Variants in TTN observed in about 807,000 individuals in gnomAD.
The protein encoded by TTN is titin, also known as connectin.
TTN carries 1,525 observed loss-of-function variants against 3,223.0 expected under a neutral mutation model. The ratio of observed to expected loss-of-function variants is 0.47; its 90% CI spans 0.45 to 0.49. TTN has a LOEUF of 0.49. Ranked by LOEUF, TTN falls within the 20% of genes least tolerant of loss-of-function variation. TTN has a pLI of 0.00. For missense variants in TTN, 40,786 were observed against 43,424.0 expected, an observed-to-expected ratio of 0.94 and a Z score of 5.40; for synonymous variants, 14,094 against 15,161.0, an observed-to-expected ratio of 0.93 and a Z score of 5.17.
rs141399146 is a variant in TTN, at chr2:178,598,825, C to T, written c.56885G>A (p.Arg18962Gln). 34 of 1,613,324 alleles carry T rather than the reference C, an allele frequency of 2.1e-5. No homozygotes were observed. Among genetic ancestry groups the T allele is most frequent in the African/African-American group, 6.7e-5 (5 of 74,986 alleles). ...GLIEGSDYQF[R>Q]VYAINAAGVG... is the part of the protein sequence containing the mutation. ...GCCAGCAGCATTGATTGCATATACC[C>T]GGAATTGATAGTCGGAACCTTCAAT... is the stretch of plus-strand genomic sequence containing the variant. The change falls in exon 291 of 363, where the codon CGG becomes CAG. Residue 18962 changes from arginine to glutamine, a missense_variant. Arg to Gln is a conservative substitution (Grantham distance 43, BLOSUM62 1). Transcript: ENST00000589042.
chr2:178,675,911 A>G lies in TTN; in HGVS notation c.34453+10T>C. On this transcript the variant is annotated intron_variant, in intron 148 of 362. Transcript: ENST00000589042. Reference sequence around the variant, plus strand: ...ATGGCATAGTCTAATTTACTTCGGAATAGCAATACCTTTGGCAGGGGGAGC... The same window carrying G: ...ATGGCATAGTCTAATTTACTTCGGAGTAGCAATACCTTTGGCAGGGGGAGC... 6.2e-7 allele frequency: 1 copy of G among 1,605,320 alleles called. No homozygotes were observed. Among genetic ancestry groups the G allele is most frequent in the Non-Finnish European group, 8.5e-7 (1 of 1,175,234 alleles).
intron 22 of TTN, 32 bp from the exon 23 acceptor site, chr2:178,779,494 A>T: frequency 7.9e-7 from 1 of 1,264,128 alleles, no homozygotes; most frequent in South Asian, 1.3e-5. Context: ...TGTTAAAAAT[A>T]CATATCCTTA....
At position 178,574,300 on chromosome 2, in the gene TTN, T is replaced by G. The variant is rs1449315408; in HGVS notation, c.71832A>C (p.Lys23944Asn). The G allele has an allele frequency of 3.1e-6, 5 of 1,613,520 alleles. No homozygotes were observed. Among genetic ancestry groups the G allele is most frequent in the East Asian group, 2.2e-5 (1 of 44,746 alleles). Residue 23944 changes from lysine (K) to asparagine (N), a missense_variant, in exon 326 of 363, where the codon AAA becomes AAC. Coordinates refer to ENST00000589042, the MANE Select transcript of TTN (RefSeq NM_001267550.2). ...CCCCAGTATATTCAGGCTTAGCCCA[T>G]TTAAGTGTTACTGTGTGTCTTGTAA... is the stretch of plus-strand genomic sequence containing the variant. ...LNITRHTVTL[K>N]WAKPEYTGGF...
intron 218 of TTN, 120 bp from the exon 219 acceptor site, chr2:178,642,437 A>G: frequency 1.3e-6 from 1 of 755,480 alleles, no homozygotes; most frequent in Non-Finnish European, 2.2e-6. Context: ...TTTTCGCTGC[A>G]TATAAATACC....
chr2:178,580,103 T>A lies in TTN; in HGVS notation c.67184A>T (p.Asp22395Val). 6.2e-7 allele frequency: 1 copy of A among 1,613,406 alleles called. No homozygotes were observed. Residue 22395 changes from aspartate (D) to valine (V), a missense_variant, in exon 318 of 363, where the codon GAT becomes GTT. Transcript: ENST00000589042. ...PIINYVVQKRDAERKSWSTVT... is the reference protein window; with the variant it reads ...PIINYVVQKRVAERKSWSTVT... ...TGTAGACCAGGATTTCCTCTCTGCA[T>A]CACGTTTTTGTACCACATAGTTTAT...
Position 178,584,806 on chromosome 2 carries a change from G to C in TTN, c.64835C>G (p.Ala21612Gly), listed in dbSNP as rs535324559. ...CCTGCAGGAAGTTTTTGTGACTGAA[G>C]CTAGAGCCGTGACCCAGTCACCTCG... The part of the protein sequence containing the change: ...VSRGDWVTAL[A>G]SVTKTSCRVG... Residue 21612 changes from alanine (A) to glycine (G), a missense_variant, in exon 310 of 363, where the codon GCT becomes GGT. Ala to Gly is a moderately conservative substitution (Grantham distance 60, BLOSUM62 0). Transcript: ENST00000589042. The C allele has an allele frequency of 6.2e-7, 1 of 1,613,394 alleles. No homozygotes were observed. Among genetic ancestry groups the C allele is most frequent in the East Asian group, 2.2e-5 (1 of 44,808 alleles).
At position 178,574,102 on chromosome 2, in the gene TTN, T is replaced by C; in HGVS notation, c.72030A>G (p.Pro24010=). 1 of 1,613,598 alleles carries C rather than the reference T, an allele frequency of 6.2e-7. No individual in the cohort carries two copies. Among genetic ancestry groups the C allele is most frequent in the Non-Finnish European group, 8.5e-7 (1 of 1,179,638 alleles). ...TGATAGCATCAGATGGCTCAGATGG[T>C]GGACTGATGGCACCTGCAGCATTTT... The part of the protein sequence containing the change: ...IAKNAAGAIS[P]PSEPSDAITC... The change falls in exon 326 of 363, where the codon CCA becomes CCG. Residue 24010 remains proline (P), a synonymous_variant. Transcript: ENST00000589042.
chr2:178,683,972 T>TC, intron 133 of TTN, 27 bp downstream of exon 133: 3 of 1,523,026 alleles, frequency 2.0e-6, no homozygotes, highest in Non-Finnish European at 2.6e-6. Flanking sequence ...ATTTTGATTT[T>TC]TTTTTTTTTT....
intron 193 of TTN, 46 bp downstream of exon 193, chr2:178,654,162 G>C: frequency 6.3e-7 from 1 of 1,587,800 alleles, no homozygotes; most frequent in Non-Finnish European, 8.5e-7. Context: ...GATTGTGAGG[G>C]GTACAGACAG....
Position 178,547,874 on chromosome 2 carries a change from A to G in TTN, c.93752T>C (p.Leu31251Pro). ...TGTCTCTTTAAGTCTCATTTCTTCC[A>G]GTTTCCATGTTACTTTGGGGGCAGG... ...GRPAPKVTWK[L>P]EEMRLKETDR... The change falls in exon 339 of 363, where the codon CTG (leucine) becomes CCG (proline). Residue 31251 changes from leucine to proline, a missense_variant. Physicochemically the swap from Leu to Pro is moderately conservative, Grantham distance 98. Coordinates refer to ENST00000589042, the MANE Select transcript of TTN (RefSeq NM_001267550.2). 6.2e-7 allele frequency: 1 copy of G among 1,613,772 alleles called. No individual in the cohort carries two copies. The highest frequency in any genetic ancestry group is 1.1e-5 in the South Asian group (1 of 91,072).
In TTN at chr2:178,636,099, G is replaced by A; in HGVS notation, c.41472C>T (p.Gly13824=). ...KDGKIVVEKP[G]RIVPGVIGLM... is the part of the protein sequence containing the mutation. ...AGCCAATGACGCCTGGCACAATTCGGCCAGGTTTCTCCACCACAATCTTGC... is the reference window on the plus strand; with the variant it reads ...AGCCAATGACGCCTGGCACAATTCGACCAGGTTTCTCCACCACAATCTTGC... The change falls in exon 226 of 363, where the codon GGC becomes GGT. Residue 13824 remains glycine (G), a synonymous_variant. Coordinates refer to ENST00000589042, the MANE Select transcript of TTN (RefSeq NM_001267550.2). This position sits in a 1 kb window ranked among gnomAD's most constrained non-coding sequence, Gnocchi z 4.3. The A allele has an allele frequency of 1.2e-6, 2 of 1,613,156 alleles. No individual in the cohort carries two copies. Among genetic ancestry groups the A allele is most frequent in the Non-Finnish European group, 1.7e-6 (2 of 1,179,506 alleles).
intron 166 of TTN, 39 bp from the exon 167 acceptor site, chr2:178,664,776 G>C: frequency 6.2e-7 from 1 of 1,610,382 alleles, no homozygotes; most frequent in Non-Finnish European, 8.5e-7. Context: ...GTGTTATGCA[G>C]ATAACTAGGA....
rs775494513 is a variant in TTN at position 178,728,682 on chromosome 2, T to C, written c.19244A>G (p.Lys6415Arg). The change falls in exon 66 of 363, where the codon AAA becomes AGA. Residue 6415 changes from lysine (K) to arginine (R), a missense_variant. Physicochemically the swap from Lys to Arg is conservative, Grantham distance 26. Transcript: ENST00000589042. ...TTTCCCGTCTTTAAGCCATTTCACT[T>C]TGAGTTCTGGTGTTCCAGCCACAAC... ...ECVVAGTPEL[K>R]VKWLKDGKQI... The C allele has an allele frequency of 2.5e-6, 4 of 1,613,406 alleles. No homozygotes were observed. The highest frequency in any genetic ancestry group is 1.7e-5 in the Admixed American group (1 of 59,950).
chr2:178,633,624 C>T lies in TTN; in HGVS notation c.42735G>A (p.Lys14245=). The T allele has an allele frequency of 1.2e-6, 2 of 1,613,126 alleles. No individual in the cohort carries two copies. The highest frequency in any genetic ancestry group is 1.7e-6 in the Non-Finnish European group (2 of 1,179,538). The change falls in exon 232 of 363, where the codon AAG becomes AAA. Residue 14245 remains lysine (K), a synonymous_variant. Transcript: ENST00000589042. ...CTTCACACTTCAAAGTAATCTCATC[C>T]TTCTCCACTGCAGTTTTGTCATGTA... ...VKLHDKTAVE[K]DEITLKCEVS...
chr2:178,563,251 T>A lies in TTN; in HGVS notation c.82881A>T (p.Gln27627His). 6.2e-7 allele frequency: 1 copy of A among 1,613,746 alleles called. No individual in the cohort carries two copies. The highest frequency in any genetic ancestry group is 8.5e-7 in the Non-Finnish European group (1 of 1,179,722). ...WTTCTPPTGL[Q>H]GKQFTVTKLK... ...GCTTGGTCACTGTGAACTGCTTTCCTTGTAATCCTGTTGGTGGAGTGCAGG... is the reference window on the plus strand; with the variant it reads ...GCTTGGTCACTGTGAACTGCTTTCCATGTAATCCTGTTGGTGGAGTGCAGG... The change falls in exon 326 of 363, where the codon CAA becomes CAT. Residue 27627 changes from glutamine to histidine, a missense_variant. Gln to His is a conservative substitution (Grantham distance 24). Coordinates refer to ENST00000589042, the MANE Select transcript of TTN (RefSeq NM_001267550.2). This position sits in a 1 kb window ranked among gnomAD's most constrained non-coding sequence, Gnocchi z 4.5.
In TTN at chr2:178,642,321, A is replaced by C. The variant is rs1211347843; in HGVS notation, c.40478-4T>G. 3.8e-6 allele frequency: 6 copies of C among 1,576,066 alleles called. No homozygotes were observed. Among genetic ancestry groups the C allele is most frequent in the Non-Finnish European group, 1.7e-6 (2 of 1,161,370 alleles). ...ACTTTCTTTTCACCTCCAGGCACTT[A>C]AAAGAATATGATTTCAAATTTTGAA... is the stretch of plus-strand genomic sequence containing the variant. On this transcript the variant is annotated splice_polypyrimidine_tract_variant and splice_region_variant and intron_variant, in intron 218 of 362. Transcript: ENST00000589042.
At chr2:178,538,248 C>T (rs1041936088) in intron 354 of TTN, 13 of 461,002 alleles carry the variant, frequency 2.8e-5, no homozygotes, top group Non-Finnish European at 4.9e-5. Flanking sequence ...AAGTGGCATA[C>T]AATTGTTGAC....
chr2:178,753,982 G>GT (rs1246838645), intron 46 of TTN: 1 of 152,070 alleles, frequency 6.6e-6, no homozygotes, highest in African/African-American at 2.4e-5. Context: ...AGTAATTTTT[G>GT]TAAGTGCTCT....
rs397517714 is a variant in TTN, at chr2:178,567,005, G to A, written c.79127C>T (p.Ala26376Val). 17 of 1,613,576 alleles carry A rather than the reference G, an allele frequency of 1.1e-5. No homozygotes were observed. Among genetic ancestry groups the A allele is most frequent in the Non-Finnish European group, 1.4e-5 (17 of 1,179,652 alleles). ...AAATGGATTTTTCATTAGTACTGGT[G>A]CAGATTCCAAAGGCTCTCCAACACC... ...KYGVGEPLES[A>V]PVLMKNPFVL... Residue 26376 changes from alanine to valine, a missense_variant, in exon 326 of 363, where the codon GCA (alanine) becomes GTA (valine). Coordinates refer to ENST00000589042, the MANE Select transcript of TTN (RefSeq NM_001267550.2).
Sources: allele counts gnomAD v4.1 joint callset, GRCh38; gene constraint gnomAD v4.1.1; non-coding constraint Gnocchi (gnomAD v3.1); transcripts MANE v1.5; gene names NCBI Gene and HGNC (gene_info 2026-07-23, HGNC 2026-07-21).